The following TNRC6A variants were observed in gnomAD, a reference collection of about 807,000 sequenced individuals.
TNRC6A encodes trinucleotide repeat containing adaptor 6A.
A neutral mutation model predicts 221.2 loss-of-function variants in TNRC6A; 44 were observed. The observed-to-expected ratio is 0.20, with a 90% confidence interval of 0.16 to 0.26. The LOEUF (loss-of-function observed/expected upper bound fraction) is 0.26, where lower values mean the gene tolerates loss of function less well. Ranked by LOEUF, TNRC6A falls within the 10% of genes least tolerant of loss-of-function variation. The pLI is 1.00. For synonymous variants in TNRC6A, 847 were observed against 838.5 expected (o/e 1.01, Z -0.18); for missense variants, 2,199 against 2,404.4 (o/e 0.91, Z 1.79).
At chr16:24,725,254 AC>A (rs1018600015), upstream of TNRC6A, among the ~76,000 whole-genome samples, 28 of 151,864 alleles carry the variant, frequency 1.8e-4, no homozygotes, top group African/African-American at 6.5e-4. Flanking sequence ...ACTGCAACCT[AC>A]CCCCTGCCCC....
chr16:24,824,566 TTTTG>T lies in TNRC6A; in HGVS notation c.*767_*770del, dbSNP rs2058835291. On this transcript the variant is annotated 3_prime_UTR_variant, in exon 25 of 25. Coordinates refer to ENST00000395799, the MANE Select transcript of TNRC6A (RefSeq NM_014494.4). The stretch of plus-strand genomic sequence containing the variant: ...TTTGAACCTTCTTGTTTACAGATTT[TTTTG>T]TTTGTTTTTTGAGAAAAAAAAATGT... The T allele has an allele frequency of 6.6e-6, 1 of 152,508 alleles. No individual in the cohort carries two copies. Among genetic ancestry groups the T allele is most frequent in the Non-Finnish European group, 1.5e-5 (1 of 68,022 alleles). 9.4% of individuals were successfully genotyped at this position (152,508 alleles called of 1,614,324 possible).
intron 2 of TNRC6A, among the ~76,000 whole-genome samples, chr16:24,748,884 C>CT (rs1006954941): frequency 4.6e-5 from 7 of 151,684 alleles, no homozygotes; most frequent in South Asian, 2.1e-4. Context: ...CCTGATATTC[C>CT]TTTTTTTTGA....
At chr16:24,669,941 C>A (rs1007386080) in intron 2 of TNRC6A, among the ~76,000 whole-genome samples, 1 of 27,162 alleles carries the variant, frequency 3.7e-5, no homozygotes, top group Non-Finnish European at 6.6e-5. Flanking sequence ...GAGGCAGCTA[C>A]TTTTTTTTTT....
chr16:24,784,985 T>C (rs1332968476), intron 5 of TNRC6A, among the ~76,000 whole-genome samples: 1 of 152,270 alleles, frequency 6.6e-6, no homozygotes, highest in Non-Finnish European at 1.5e-5. Flanking sequence ...TCTTTTACTT[T>C]TAATGTTTTA....
Position 24,752,635 on chromosome 16 carries a change from C to G in TNRC6A, c.141+1822C>G, listed in dbSNP as rs568757002. 2.0e-4 allele frequency among the ~76,000 whole-genome samples: 31 copies of G among 152,242 alleles called. No homozygotes were observed. In the South Asian group the frequency reaches 5.4e-3, roughly 26 times the overall value. On this transcript the variant is annotated intron_variant, in intron 3 of 24. Transcript: ENST00000395799. ...ATTTCTTATGAGAAAGTTGTGTCCT[C>G]TGTAAGTCTGAGGTTGGGGTAAAGG...
intron 2 of TNRC6A, among the ~76,000 whole-genome samples, chr16:24,714,491 G>A (rs2056274932): frequency 6.6e-6 from 1 of 151,558 alleles, no homozygotes; most frequent in Non-Finnish European, 1.5e-5. Flanking sequence ...TTTTAGTAGA[G>A]ATGGGGGGTT....
In TNRC6A at chr16:24,825,406, T is replaced by G. The variant is rs763086256; in HGVS notation, c.*1599T>G. 5.2e-5 allele frequency: 8 copies of G among 152,668 alleles called. No homozygotes were observed. The highest frequency in any genetic ancestry group is 1.2e-4 in the Non-Finnish European group (8 of 68,040). 9.5% of individuals were successfully genotyped at this position (152,668 alleles called of 1,614,324 possible). A position where few individuals can be genotyped will look rare whatever the true frequency, so the allele number is the denominator to read the frequency against. On this transcript the variant is annotated 3_prime_UTR_variant, in exon 25 of 25. Transcript: ENST00000395799. Reference sequence around the variant, plus strand: ...GTAAAATGTACAGTTTGGTTGTGTTTGAATTATGAAATTTCTTCAGATATA... The same window carrying G: ...GTAAAATGTACAGTTTGGTTGTGTTGGAATTATGAAATTTCTTCAGATATA...
At chr16:24,775,854 G>C (rs1036612246) in intron 4 of TNRC6A, among the ~76,000 whole-genome samples, 3 of 152,284 alleles carry the variant, frequency 2.0e-5, no homozygotes, top group Admixed American at 6.5e-5. Flanking sequence ...TCTGACAGTG[G>C]TATCTGTGAG....
In TNRC6A at chr16:24,777,108, ACAGCCGCAG is replaced by A; in HGVS notation, c.341_349del (p.Gln114_Gln116del). The A allele has an allele frequency of 9.2e-7, 1 of 1,089,842 alleles. No individual in the cohort carries two copies. Among genetic ancestry groups the A allele is most frequent in the Non-Finnish European group, 1.3e-6 (1 of 767,768 alleles). 67.5% of individuals were successfully genotyped at this position (1,089,842 alleles called of 1,614,324 possible). ...AGCAGCAGCAGCCACAGCAGCAGCC[ACAGCCGCAG>A]CCGCAGCAGCAGCAGCCACAGCAGC... On this transcript the variant is annotated inframe_deletion, in exon 5 of 25. Transcript: ENST00000395799.
chr16:24,683,648 C>A (rs980978176), intron 2 of TNRC6A, among the ~76,000 whole-genome samples: 3 of 152,198 alleles, frequency 2.0e-5, no homozygotes, highest in Non-Finnish European at 4.4e-5. Context: ...TGGAGGTAAA[C>A]TGCCCGAGTT....
At chr16:24,734,258 T>G (rs947024285) in intron 2 of TNRC6A, among the ~76,000 whole-genome samples, 1 of 152,152 alleles carries the variant, frequency 6.6e-6, no homozygotes, top group Admixed American at 6.5e-5. Context: ...GACAGCTGAT[T>G]AGGTGTCAGA....
At chr16:24,672,258 A>G (rs1215835076) in intron 2 of TNRC6A, among the ~76,000 whole-genome samples, 1 of 151,684 alleles carries the variant, frequency 6.6e-6, no homozygotes, top group Non-Finnish European at 1.5e-5. Context: ...AGCAGCTGGG[A>G]CTACAGGCGC....
At chr16:24,647,327 T>C (rs1470251499) in intron 2 of TNRC6A, among the ~76,000 whole-genome samples, 1 of 152,206 alleles carries the variant, frequency 6.6e-6, no homozygotes, top group African/African-American at 2.4e-5. Context: ...ATTGTGTACA[T>C]GTGTATACGC....
At chr16:24,765,765 A>G (rs554660190) in intron 4 of TNRC6A, among the ~76,000 whole-genome samples, 1 of 152,326 alleles carries the variant, frequency 6.6e-6, no homozygotes, top group South Asian at 2.1e-4. Flanking sequence ...GGAAATAGTT[A>G]ATAAAATGAT....
intron 2 of TNRC6A, among the ~76,000 whole-genome samples, chr16:24,699,975 CA>C: frequency 6.6e-6 from 1 of 152,148 alleles, no homozygotes; most frequent in Non-Finnish European, 1.5e-5. Context: ...GCTCTGATGC[CA>C]AAGGCTATGT....
rs1014342702 is a variant in TNRC6A, at chr16:24,761,336, A to G, written c.163+2976A>G. Among the ~76,000 whole-genome samples, 2 of 152,242 alleles carry G rather than the reference A, an allele frequency of 1.3e-5. 1 individual carries two copies. Among genetic ancestry groups the G allele is most frequent in the Non-Finnish European group, 2.9e-5 (2 of 68,048 alleles). On this transcript the variant is annotated intron_variant, in intron 4 of 24. Transcript: ENST00000395799. ...GAATATTTAAAAAATCTTTTAAAAT[A>G]TGTCTCTTACGAGTATGTCCTTGAA... is the stretch of plus-strand genomic sequence containing the variant.
rs57831728 is a variant in TNRC6A, at chr16:24,729,684, T to TCGGCGG, written c.-129_-124dup. 4.4e-3 allele frequency: 2,799 copies of TCGGCGG among 629,614 alleles called. 15 individuals carry two copies. Among genetic ancestry groups the TCGGCGG allele is most frequent in the African/African-American group, 0.013 (617 of 48,780 alleles). The allele number at this position is 629,614 out of a possible 1,614,324, so 39.0% of individuals were successfully genotyped here. On this transcript the variant is annotated 5_prime_UTR_variant, in exon 1 of 25. Coordinates refer to ENST00000395799, the MANE Select transcript of TNRC6A (RefSeq NM_014494.4). ...TCTGGGGCCTGCGGCGGCGGCGGTG[T>TCGGCGG]CGGCGGCGGCGGCGGCGGCGGCGGC...
At chr16:24,809,676 A>G (rs2058504461) in intron 18 of TNRC6A, among the ~76,000 whole-genome samples, 195 bp downstream of exon 18, 1 of 152,172 alleles carries the variant, frequency 6.6e-6, no homozygotes, top group East Asian at 1.9e-4. Context: ...ATTTACCTCT[A>G]CTCTGTTTTA....
At chr16:24,620,886 C>T (rs1424544411) in intron 1 of TNRC6A, among the ~76,000 whole-genome samples, 1 of 151,730 alleles carries the variant, frequency 6.6e-6, no homozygotes, top group African/African-American at 2.4e-5. Flanking sequence ...GAGATCGAGA[C>T]CATCCTGGCC....
Sources: allele counts gnomAD v4.1 joint callset (sites outside exome capture counted in the v4.1 genomes callset), GRCh38; gene constraint gnomAD v4.1.1; transcripts MANE v1.5; gene names NCBI Gene and HGNC (gene_info 2026-07-23, HGNC 2026-07-21).